The following ALG6 variants were observed in gnomAD, a reference collection of about 807,000 sequenced individuals.
The protein encoded by ALG6 is ALG6 alpha-1,3-glucosyltransferase, also known as dolichyl pyrophosphate Man9GlcNAc2 alpha-1,3-glucosyltransferase.
Under a neutral mutation model 66.6 loss-of-function variants are expected in ALG6, and 46 were observed. That is an observed-to-expected ratio of 0.69 (90% confidence interval 0.55 to 0.88). The LOEUF (loss-of-function observed/expected upper bound fraction) is 0.88, where lower values mean the gene tolerates loss of function less well. Ranked by LOEUF, ALG6 falls within the 40% of genes least tolerant of loss-of-function variation. The pLI is 0.00. For missense variants in ALG6, 505 were observed against 586.8 expected, an observed-to-expected ratio of 0.86 and a Z score of 1.44; for synonymous variants, 185 against 203.7, an observed-to-expected ratio of 0.91 and a Z score of 0.78.
At chr1:63,403,349 A>G (rs1644474936) in intron 4 of ALG6, among the ~76,000 whole-genome samples, 1 of 152,160 alleles carries the variant, frequency 6.6e-6, no homozygotes, top group African/African-American at 2.4e-5. Context: ...GTTAGAAACT[A>G]GAATAATTGT....
chr1:63,430,211 T>C (rs963417569), intron 14 of ALG6, among the ~76,000 whole-genome samples: 14 of 152,236 alleles, frequency 9.2e-5, no homozygotes, highest in African/African-American at 2.9e-4. Context: ...TCATTTGTTA[T>C]AGCATATATC....
intron 4 of ALG6, 121 bp downstream of exon 4, chr1:63,402,464 T>A: frequency 6.3e-6 from 3 of 476,200 alleles, no homozygotes; most frequent in African/African-American, 2.2e-5. Context: ...TATTGTATTT[T>A]TTTTTTTTTT....
chr1:63,384,659 T>A lies in ALG6; in HGVS notation c.83-11854T>A, dbSNP rs187697538. On this transcript the variant is annotated intron_variant, in intron 2 of 14. Coordinates refer to ENST00000263440, the MANE Select transcript of ALG6 (RefSeq NM_013339.4). ...AGTCTTTAATCCATTTTGATTTGAT[T>A]TTTGTATCTGATGAGAGATAGGGGT... Among the ~76,000 whole-genome samples the A allele has an allele frequency of 2.4e-3, 370 of 152,296 alleles. 3 individuals carry two copies. Among genetic ancestry groups the A allele is most frequent in the Middle Eastern group, 0.01 (3 of 294 alleles).
chr1:63,406,243 G>A, intron 5 of ALG6, 74 bp from the exon 6 acceptor site: 1 of 1,289,686 alleles, frequency 7.8e-7, no homozygotes, highest in Non-Finnish European at 1.1e-6. Context: ...CAATGTTGGA[G>A]GAAGGGAGGC....
chr1:63,375,378 G>A (rs1360119264), intron 2 of ALG6, among the ~76,000 whole-genome samples: 2 of 150,760 alleles, frequency 1.3e-5, no homozygotes, highest in Non-Finnish European at 2.9e-5. Flanking sequence ...CCGAGTAGCT[G>A]GGATTTACAG....
intron 7 of ALG6, 128 bp from the exon 8 acceptor site, chr1:63,411,017 AT>A (rs1644513054): frequency 2.3e-6 from 2 of 883,942 alleles, no homozygotes; most frequent in Non-Finnish European, 3.5e-6. Context: ...TGTATATGTT[AT>A]TTTAAAATCA....
At chr1:63,400,116 C>T (rs1377394477) in intron 3 of ALG6, among the ~76,000 whole-genome samples, 6 of 145,946 alleles carry the variant, frequency 4.1e-5, no homozygotes, top group Admixed American at 2.8e-4. Context: ...ATCGCTTGAA[C>T]CTGGGAGGCG....
At chr1:63,392,172 A>T (rs1325533083) in intron 2 of ALG6, among the ~76,000 whole-genome samples, 10 of 145,170 alleles carry the variant, frequency 6.9e-5, no homozygotes, top group African/African-American at 2.3e-4. Flanking sequence ...TAAAAGGATG[A>T]TTTTTTTTTT....
intron 9 of ALG6, among the ~76,000 whole-genome samples, chr1:63,412,374 T>G (rs1310475093): frequency 1.3e-5 from 2 of 152,128 alleles, no homozygotes; most frequent in Non-Finnish European, 2.9e-5. Context: ...TGCTAGTTAT[T>G]TAATCCATTA....
chr1:63,419,541 G>A (rs1422213063), intron 12 of ALG6, 101 bp downstream of exon 12: 4 of 830,432 alleles, frequency 4.8e-6, no homozygotes, highest in Admixed American at 2.7e-5. Context: ...CTACACAAAT[G>A]TTATATCTTT....
chr1:63,380,648 A>C (rs75737921), intron 2 of ALG6, among the ~76,000 whole-genome samples: 5 of 152,270 alleles, frequency 3.3e-5, no homozygotes, highest in Admixed American at 6.5e-5. Context: ...AAATACTACA[A>C]ATTTTTAAAT....
chr1:63,395,822 C>G (rs1648808523), intron 2 of ALG6, among the ~76,000 whole-genome samples: 1 of 152,182 alleles, frequency 6.6e-6, no homozygotes, highest in South Asian at 2.1e-4. Flanking sequence ...TACAGTCAGC[C>G]CTCTGTATCC....
At chr1:63,436,687 G>A (rs1217147787) in intron 14 of ALG6, 136 bp from the exon 15 acceptor site, 5 of 835,820 alleles carry the variant, frequency 6.0e-6, no homozygotes, top group Non-Finnish European at 9.8e-6. Context: ...GGAAGTCAAA[G>A]TTGAGATACA....
intron 14 of ALG6, among the ~76,000 whole-genome samples, chr1:63,432,447 A>G (rs1171313934): frequency 1.3e-5 from 2 of 152,180 alleles, no homozygotes; most frequent in Non-Finnish European, 2.9e-5. Flanking sequence ...AGACACTAAC[A>G]TGTAGTTTTC....
intron 2 of ALG6, among the ~76,000 whole-genome samples, chr1:63,381,470 C>G (rs1648304772): frequency 1.3e-5 from 2 of 151,800 alleles, no homozygotes; most frequent in African/African-American, 4.8e-5. Context: ...AAAACAAATA[C>G]AAAAACAAAA....
chr1:63,429,415 C>T, intron 14 of ALG6: 1 of 303,128 alleles, frequency 3.3e-6, no homozygotes, highest in Non-Finnish European at 6.2e-6. Flanking sequence ...CCAGTTTCTG[C>T]CTCTTTAGAT....
intron 12 of ALG6, among the ~76,000 whole-genome samples, chr1:63,421,364 A>G (rs1263173239): frequency 2.0e-5 from 3 of 152,080 alleles, no homozygotes; most frequent in African/African-American, 4.8e-5. Flanking sequence ...ATGCTTTTAT[A>G]CTGTTGGTGG....
intron 2 of ALG6, among the ~76,000 whole-genome samples, chr1:63,393,740 T>C (rs774500907): frequency 1.3e-5 from 2 of 152,218 alleles, no homozygotes; most frequent in Non-Finnish European, 2.9e-5. Flanking sequence ...TTAATTGGTC[T>C]GCCATCACAA....
chr1:63,374,473 C>T (rs1648049631), intron 2 of ALG6, among the ~76,000 whole-genome samples: 1 of 151,916 alleles, frequency 6.6e-6, no homozygotes. Context: ...ACTAAAAATA[C>T]AAAAATTAGC....
Sources: allele counts gnomAD v4.1 joint callset (sites outside exome capture counted in the v4.1 genomes callset), GRCh38; gene constraint gnomAD v4.1.1; transcripts MANE v1.5; gene names NCBI Gene and HGNC (gene_info 2026-07-23, HGNC 2026-07-21).